ENPP1: variants seen among roughly 807,000 people sequenced by gnomAD.
The protein encoded by ENPP1 is ectonucleotide pyrophosphatase/phosphodiesterase family member 1.
Under a neutral mutation model 122.8 loss-of-function variants are expected in ENPP1, and 73 were observed. The ratio of observed to expected loss-of-function variants is 0.59; its 90% confidence interval spans 0.49 to 0.72. The LOEUF (loss-of-function observed/expected upper bound fraction) is 0.72, where lower values mean the gene tolerates loss of function less well. ENPP1 is among the 30% of genes least tolerant of loss of function. The pLI is 0.00. For missense variants in ENPP1, 978 were observed against 1,128.1 expected (o/e 0.87, Z 1.91); for synonymous variants, 367 against 391.6 (o/e 0.94, Z 0.74).
chr6:131,832,566 A>G (rs1311050196), intron 1 of ENPP1, among the ~76,000 whole-genome samples: 1 of 152,212 alleles, frequency 6.6e-6, no homozygotes, highest in Non-Finnish European at 1.5e-5. Context: ...ATCTCTGTTC[A>G]GCACCTGGTC....
intron 1 of ENPP1, among the ~76,000 whole-genome samples, chr6:131,832,413 T>C (rs1411302331): frequency 6.6e-6 from 1 of 152,156 alleles, no homozygotes; most frequent in Non-Finnish European, 1.5e-5. Flanking sequence ...AACCAGGTTA[T>C]TCCCTCAGAA....
intron 1 of ENPP1, among the ~76,000 whole-genome samples, chr6:131,844,751 C>T (rs1781784471): frequency 6.6e-6 from 1 of 152,092 alleles, no homozygotes; most frequent in South Asian, 2.1e-4. Flanking sequence ...AATTTTTTGA[C>T]ATAAATGAGG....
At position 131,892,307 on chromosome 6, in the gene ENPP1, T is replaced by C. The variant is rs907939190; in HGVS notation, c.*1796T>C. On this transcript the variant is annotated 3_prime_UTR_variant, in exon 25 of 25. Coordinates refer to ENST00000647893, the MANE Select transcript of ENPP1 (RefSeq NM_006208.3). ...CTCAGATACCACCACAGCAGGGGAA[T>C]TGGGAGCACTGCTTCATTATTACCA... The C allele has an allele frequency of 2.6e-5, 4 of 152,276 alleles. No homozygotes were observed. Among genetic ancestry groups the C allele is most frequent in the Admixed American group, 2.0e-4 (3 of 15,276 alleles). 9.4% of individuals were successfully genotyped at this position (152,276 alleles called of 1,614,324 possible).
intron 1 of ENPP1, among the ~76,000 whole-genome samples, chr6:131,841,765 G>A (rs1027804128): frequency 3.3e-5 from 5 of 152,180 alleles, no homozygotes; most frequent in African/African-American, 1.2e-4. Flanking sequence ...ATGGAGCATG[G>A]TAAGAGCTGC....
chr6:131,809,296 A>C (rs985692167), intron 1 of ENPP1, among the ~76,000 whole-genome samples: 1 of 152,132 alleles, frequency 6.6e-6, no homozygotes, highest in African/African-American at 2.4e-5. Context: ...TTTGTAGAAA[A>C]ATTTCTAATT....
intron 1 of ENPP1, among the ~76,000 whole-genome samples, chr6:131,825,580 A>C (rs940412017): frequency 2.0e-5 from 3 of 152,220 alleles, no homozygotes; most frequent in African/African-American, 7.2e-5. Flanking sequence ...CTTGGATAGC[A>C]TGTAAAAATT....
At chr6:131,884,561 C>T (rs75898679) in intron 22 of ENPP1, among the ~76,000 whole-genome samples, 3,502 of 152,240 alleles carry the variant, frequency 0.023, 50 homozygotes, top group Middle Eastern at 0.065. Flanking sequence ...TGCTTGAGGC[C>T]AGGAGTTCAA....
chr6:131,858,031 T>C (rs981332458), intron 6 of ENPP1, among the ~76,000 whole-genome samples: 1 of 152,170 alleles, frequency 6.6e-6, no homozygotes, highest in Non-Finnish European at 1.5e-5. Flanking sequence ...ACATGCCAAT[T>C]TGAGGGACTT....
chr6:131,813,957 T>C (rs955999978), intron 1 of ENPP1, among the ~76,000 whole-genome samples: 3 of 152,202 alleles, frequency 2.0e-5, no homozygotes, highest in Admixed American at 6.5e-5. Flanking sequence ...AGAAAGCTGA[T>C]GTTTTCCAAG....
At chr6:131,851,955 A>C (rs1781887649) in intron 4 of ENPP1, among the ~76,000 whole-genome samples, 1 of 152,194 alleles carries the variant, frequency 6.6e-6, no homozygotes, top group East Asian at 1.9e-4. Context: ...TTTTAGTCTT[A>C]CAATTGTGCA....
chr6:131,854,324 GA>G (rs1357153472), intron 5 of ENPP1, among the ~76,000 whole-genome samples: 1 of 152,008 alleles, frequency 6.6e-6, no homozygotes, highest in East Asian at 1.9e-4. Flanking sequence ...GAGGCAGAAG[GA>G]TCATTTGAGC....
intron 20 of ENPP1, among the ~76,000 whole-genome samples, chr6:131,881,915 A>C (rs1782314564): frequency 6.6e-6 from 1 of 152,086 alleles, no homozygotes; most frequent in Admixed American, 6.6e-5. Context: ...GCTACTCGGG[A>C]AGCTGAGGCA....
intron 1 of ENPP1, among the ~76,000 whole-genome samples, chr6:131,817,754 T>TACACACAC (rs138209749): frequency 0.053 from 7,753 of 146,366 alleles, 309 homozygotes; most frequent in East Asian, 0.11. Context: ...TCTCTCTCCA[T>TACACACAC]ACACACACAC....
chr6:131,811,782 T>C (rs1781357575), intron 1 of ENPP1, among the ~76,000 whole-genome samples: 1 of 152,176 alleles, frequency 6.6e-6, no homozygotes. Context: ...TTTTGCATAG[T>C]TCGCATATCT....
intron 1 of ENPP1, among the ~76,000 whole-genome samples, chr6:131,811,279 G>A (rs559478677): frequency 6.6e-6 from 1 of 152,136 alleles, no homozygotes; most frequent in South Asian, 2.1e-4. Flanking sequence ...ATCTGTGTAT[G>A]TGTAAAGGGC....
chr6:131,829,522 A>G (rs965765484), intron 1 of ENPP1, among the ~76,000 whole-genome samples: 3 of 152,222 alleles, frequency 2.0e-5, no homozygotes, highest in South Asian at 2.1e-4. Context: ...CTGTCTGTCT[A>G]TCTATCCATC....
At chr6:131,882,651 TTA>T (rs71030764) in intron 21 of ENPP1, among the ~76,000 whole-genome samples, 177 bp downstream of exon 21, 1 of 58,926 alleles carries the variant, frequency 1.7e-5, no homozygotes, top group Non-Finnish European at 2.6e-5. Context: ...TATTACTATT[TTA>T]TATATATATA....
rs1462615292 is a variant in ENPP1, at chr6:131,890,924, CTATCTT to C, written c.*417_*422del. On this transcript the variant is annotated 3_prime_UTR_variant, in exon 25 of 25. Transcript: ENST00000647893. ...GGTTGGGGTAGCCCATGTTATGTGA[CTATCTT>C]TATGAGAATTTTAAAGTGGTTCTGG... 2 of 166,592 alleles carry C rather than the reference CTATCTT, an allele frequency of 1.2e-5. No individual in the cohort carries two copies. Among genetic ancestry groups the C allele is most frequent in the African/African-American group, 4.8e-5 (2 of 41,604 alleles). The allele number at this position is 166,592 out of a possible 1,614,324, so 10.3% of individuals were successfully genotyped here. A position where few individuals can be genotyped will look rare whatever the true frequency, so the allele number is the denominator to read the frequency against.
intron 11 of ENPP1, among the ~76,000 whole-genome samples, chr6:131,866,459 C>G (rs1303794689): frequency 2.0e-5 from 3 of 152,158 alleles, no homozygotes; most frequent in Non-Finnish European, 2.9e-5. Context: ...AAAAAAGCAT[C>G]CTTATTTTTC....
Sources: gnomAD v4.1 joint callset for allele counts (sites outside exome capture counted in the v4.1 genomes callset) on GRCh38, gnomAD v4.1.1 for gene constraint, MANE v1.5 for transcripts, NCBI Gene and HGNC (gene_info 2026-07-23, HGNC 2026-07-21) for gene names.